Variants in ANO6 observed in about 807,000 individuals in gnomAD.
ANO6 encodes the protein anoctamin-6.
ANO6 carries 106 observed loss-of-function variants against 117.5 expected under a neutral mutation model. That is an observed-to-expected ratio of 0.90 (90% CI 0.77 to 1.06). The LOEUF (loss-of-function observed/expected upper bound fraction) is 1.06. ANO6 is among the 50% of genes least tolerant of loss of function. The pLI, the probability that ANO6 is intolerant of heterozygous loss-of-function variation, is 0.00. For synonymous variants in ANO6, 367 were observed against 385.1 expected, an observed-to-expected ratio of 0.95 and a Z score of 0.55; for missense variants, 955 against 1,121.1, an observed-to-expected ratio of 0.85 and a Z score of 2.12.
chr12:45,244,616 A>G (rs373533678), intron 1 of ANO6, among the ~76,000 whole-genome samples: 2 of 151,958 alleles, frequency 1.3e-5, no homozygotes, highest in East Asian at 3.9e-4. Context: ...ATGGTACAGA[A>G]CTCATGAGTC....
chr12:45,377,764 AAC>A (rs748371246), intron 9 of ANO6, among the ~76,000 whole-genome samples: 4 of 152,238 alleles, frequency 2.6e-5, no homozygotes, highest in African/African-American at 4.8e-5. Flanking sequence ...GGAGGCTTTA[AAC>A]ACAGTGGAAT....
chr12:45,224,418 T>C (rs1166425968), intron 1 of ANO6, among the ~76,000 whole-genome samples: 1 of 146,628 alleles, frequency 6.8e-6, no homozygotes, highest in Non-Finnish European at 1.5e-5. Context: ...GTATACATTA[T>C]ATATACATAT....
Position 45,331,366 on chromosome 12 carries a change from A to G in ANO6, c.222A>G (p.Val74=), listed in dbSNP as rs1167259008. The change falls in exon 3 of 20, where the codon GTA becomes GTG. Residue 74 remains valine, a synonymous_variant. Coordinates refer to ENST00000320560, the MANE Select transcript of ANO6 (RefSeq NM_001025356.3). ...DGQRRIDFVL[V]YEDESRKETN... The stretch of plus-strand genomic sequence containing the variant: ...AGCGAAGAATTGACTTTGTTCTAGT[A>G]TATGAGGATGAAAGCAGAAAAGAGA... 6.2e-7 allele frequency: 1 copy of G among 1,610,182 alleles called. No individual in the cohort carries two copies. The highest frequency in any genetic ancestry group is 1.3e-5 in the African/African-American group (1 of 74,886).
At chr12:45,357,198 C>T (rs1312068914) in intron 7 of ANO6, 92 bp from the exon 8 acceptor site, 3 of 1,442,428 alleles carry the variant, frequency 2.1e-6, no homozygotes, top group Non-Finnish European at 2.9e-6. Context: ...AGCTTAAAGC[C>T]TCTCCTTTAT....
intron 4 of ANO6, among the ~76,000 whole-genome samples, chr12:45,347,668 A>C (rs1342175105): frequency 1.3e-5 from 2 of 152,190 alleles, no homozygotes; most frequent in African/African-American, 4.8e-5. Flanking sequence ...GGTTTAGAAA[A>C]TTAAAAATTT....
chr12:45,231,919 T>A (rs1947580189), intron 1 of ANO6, among the ~76,000 whole-genome samples: 1 of 152,122 alleles, frequency 6.6e-6, no homozygotes, highest in African/African-American at 2.4e-5. Flanking sequence ...GTTTTATACT[T>A]CAAAATACTT....
At chr12:45,401,737 A>G (rs1397501029) in intron 12 of ANO6, 58 bp from the exon 13 acceptor site, 7 of 1,386,538 alleles carry the variant, frequency 5.0e-6, no homozygotes, top group East Asian at 4.6e-5. Context: ...TTCAGTTTTT[A>G]ATAGTACAAG....
intron 1 of ANO6, among the ~76,000 whole-genome samples, chr12:45,255,348 C>G (rs761337777): frequency 6.6e-6 from 1 of 152,056 alleles, no homozygotes; most frequent in African/African-American, 2.4e-5. Context: ...AAAAATACAA[C>G]AACAATTAGC....
At chr12:45,270,783 A>C (rs1938370675) in intron 1 of ANO6, among the ~76,000 whole-genome samples, 1 of 151,934 alleles carries the variant, frequency 6.6e-6, no homozygotes, top group African/African-American at 2.4e-5. Flanking sequence ...AGACAGTCTC[A>C]CTCCGTCACC....
chr12:45,367,977 G>A (rs1245144623), intron 9 of ANO6, among the ~76,000 whole-genome samples, 184 bp downstream of exon 9: 2 of 152,056 alleles, frequency 1.3e-5, no homozygotes, highest in Admixed American at 6.5e-5. Flanking sequence ...TAATAAAATT[G>A]TGATTTAAGA....
At chr12:45,378,016 G>C in intron 9 of ANO6, 37 bp from the exon 10 acceptor site, 3 of 1,551,308 alleles carry the variant, frequency 1.9e-6, no homozygotes, top group Middle Eastern at 1.7e-4. Flanking sequence ...AATAAGTGGA[G>C]GATATGACTC....
intron 1 of ANO6, among the ~76,000 whole-genome samples, chr12:45,264,194 A>AT (rs1273891568): frequency 9.2e-5 from 14 of 152,070 alleles, no homozygotes; most frequent in Admixed American, 7.2e-4. Flanking sequence ...CCTTAAAGGA[A>AT]TTTTTTCTTC....
chr12:45,342,803 G>T (rs1941018234), intron 3 of ANO6, among the ~76,000 whole-genome samples: 3 of 152,168 alleles, frequency 2.0e-5, no homozygotes, highest in African/African-American at 7.2e-5. Flanking sequence ...TGAACAGTAG[G>T]CAGGGCCATG....
At chr12:45,309,403 G>A (rs778924599) in intron 2 of ANO6, among the ~76,000 whole-genome samples, 65 of 152,192 alleles carry the variant, frequency 4.3e-4, no homozygotes, top group Admixed American at 9.8e-4. Context: ...CAAGAACATT[G>A]AGGAGTAATG....
chr12:45,283,549 T>C (rs768651877), intron 1 of ANO6, among the ~76,000 whole-genome samples: 3 of 152,242 alleles, frequency 2.0e-5, no homozygotes, highest in Non-Finnish European at 4.4e-5. Flanking sequence ...AAGGAATAAA[T>C]ATAATTTGGT....
chr12:45,261,936 G>A (rs901514609), intron 1 of ANO6, among the ~76,000 whole-genome samples: 4 of 152,308 alleles, frequency 2.6e-5, no homozygotes, highest in Admixed American at 2.6e-4. Context: ...ACTATACAGT[G>A]AAGGCAAGCA....
Position 45,423,020 on chromosome 12 carries a change from G to A in ANO6, c.2484G>A (p.Trp828Ter). Residue 828 changes from tryptophan (W) to a stop codon, truncating the protein, a stop_gained, in exon 19 of 20, where the codon TGG becomes TGA. Transcript: ENST00000320560. LOFTEE classifies it high-confidence loss of function. ...PQEYKHNIYY[W>*]HVIAAKLAFI... Reference sequence around the variant, plus strand: ...AGTATAAACACAACATCTACTATTGGCATGTGATTGCAGCCAAGCTGGCTT... The same window carrying A: ...AGTATAAACACAACATCTACTATTGACATGTGATTGCAGCCAAGCTGGCTT... 3 of 1,614,104 alleles carry A rather than the reference G, an allele frequency of 1.9e-6. No individual in the cohort carries two copies. The highest frequency in any genetic ancestry group is 2.2e-5 in the South Asian group (2 of 91,078).
chr12:45,392,240 C>T (rs1433442452), intron 12 of ANO6, among the ~76,000 whole-genome samples: 1 of 152,228 alleles, frequency 6.6e-6, no homozygotes. Context: ...AAGGAGCCTT[C>T]CTGACTGCTA....
chr12:45,393,842 C>G (rs1051114900), intron 12 of ANO6, among the ~76,000 whole-genome samples: 3 of 152,168 alleles, frequency 2.0e-5, no homozygotes, highest in African/African-American at 7.2e-5. Flanking sequence ...GCTCCTGAAA[C>G]AAGCACTAAA....
Sources: gnomAD v4.1 joint callset for allele counts (sites outside exome capture counted in the v4.1 genomes callset) on GRCh38, gnomAD v4.1.1 for gene constraint, MANE v1.5 for transcripts, NCBI Gene and HGNC (gene_info 2026-07-23, HGNC 2026-07-21) for gene names.